Variants in MFAP1 observed in about 807,000 individuals in gnomAD.
The protein encoded by MFAP1 is microfibrillar-associated protein 1.
Under a neutral mutation model 62.2 loss-of-function variants are expected in MFAP1, and 18 were observed. The observed-to-expected ratio is 0.29, with a 90% CI of 0.20 to 0.43. The LOEUF is 0.43. Among genes scored for constraint, MFAP1 ranks in the 20% least tolerant of loss-of-function variants. The pLI, the probability that MFAP1 is intolerant of heterozygous loss-of-function variation, is 1.00. For synonymous variants in MFAP1, 175 were observed against 180.4 expected, an observed-to-expected ratio of 0.97 and a Z score of 0.24; for missense variants, 355 against 559.7, an observed-to-expected ratio of 0.63 and a Z score of 3.69.
At chr15:43,818,408 T>G (rs189665054) in intron 1 of MFAP1, among the ~76,000 whole-genome samples, 51 of 151,056 alleles carry the variant, frequency 3.4e-4, no homozygotes, top group Admixed American at 2.1e-3. Context: ...ATTGGACAGT[T>G]CAAAGGAAAA....
chr15:43,813,760 T>C (rs1457629904), intron 4 of MFAP1, among the ~76,000 whole-genome samples: 3 of 151,624 alleles, frequency 2.0e-5, no homozygotes, highest in Non-Finnish European at 2.9e-5. Flanking sequence ...TCCACCTACC[T>C]CAGCCTCCCA....
At chr15:43,818,241 G>C (rs184721400) in intron 1 of MFAP1, among the ~76,000 whole-genome samples, 215 of 151,794 alleles carry the variant, frequency 1.4e-3, no homozygotes, top group Non-Finnish European at 2.5e-3. Flanking sequence ...TGATGGTCTC[G>C]ATCTCCTGAC....
chr15:43,822,907 C>T (rs1308884390), intron 1 of MFAP1, among the ~76,000 whole-genome samples: 1 of 151,680 alleles, frequency 6.6e-6, no homozygotes, highest in Admixed American at 6.6e-5. Flanking sequence ...GGTGCGATCT[C>T]GGCTCACTGC....
Position 43,804,950 on chromosome 15 carries a change from G to T in MFAP1, c.*144C>A, listed in dbSNP as rs552138162. On this transcript the variant is annotated 3_prime_UTR_variant, in exon 9 of 9. Coordinates refer to ENST00000267812, the MANE Select transcript of MFAP1 (RefSeq NM_005926.3). Reference sequence around the variant, plus strand: ...CCAAACCTCACAAAGCACCTTCAAAGTCTGGGCTACCCAGTATCACAAGTA... The same window carrying T: ...CCAAACCTCACAAAGCACCTTCAAATTCTGGGCTACCCAGTATCACAAGTA... 4.6e-5 allele frequency: 41 copies of T among 894,364 alleles called. No homozygotes were observed. In the African/African-American group the frequency reaches 6.7e-4, roughly 15 times the overall value. The allele number at this position is 894,364 out of a possible 1,614,324, so 55.4% of individuals were successfully genotyped here.
At position 43,818,831 on chromosome 15, in the gene MFAP1, C is replaced by G. The variant is rs542369164; in HGVS notation, c.80-1383G>C. ...GGAGCCCAGGAGGTTGAGGCTGCGG[C>G]AAGCCATGACCACACCAAGGCACTC... On this transcript the variant is annotated intron_variant, in intron 1 of 8. Coordinates refer to ENST00000267812, the MANE Select transcript of MFAP1 (RefSeq NM_005926.3). 1.6e-4 allele frequency among the ~76,000 whole-genome samples: 25 copies of G among 152,238 alleles called. 2 individuals carry two copies. In the South Asian group the frequency reaches 5.2e-3, roughly 32 times the overall value.
chr15:43,805,635 C>T lies in MFAP1; in HGVS notation c.1048-170G>A, dbSNP rs117673795. Reference sequence around the variant, plus strand: ...GACATTCTTTTTTTTTTTTCTGAGACGGACTCTCGCTCTGTTGCCCAGGCT... The same window carrying T: ...GACATTCTTTTTTTTTTTTCTGAGATGGACTCTCGCTCTGTTGCCCAGGCT... On this transcript the variant is annotated intron_variant, in intron 7 of 8. Coordinates refer to ENST00000267812, the MANE Select transcript of MFAP1 (RefSeq NM_005926.3). Among the ~76,000 whole-genome samples, 1,002 of 150,928 alleles carry T rather than the reference C, an allele frequency of 6.6e-3. 17 individuals are homozygous for T. Among genetic ancestry groups the T allele is most frequent in the East Asian group, 0.041 (208 of 5,126 alleles).
chr15:43,823,585 C>G (rs2087480533), intron 1 of MFAP1, among the ~76,000 whole-genome samples: 1 of 151,916 alleles, frequency 6.6e-6, no homozygotes, highest in Non-Finnish European at 1.5e-5. Context: ...GCCATGATCG[C>G]CAGGCTGTCT....
At position 43,809,401 on chromosome 15, in the gene MFAP1, G is replaced by A. The variant is rs116840564; in HGVS notation, c.1047+354C>T. 4.4e-3 allele frequency among the ~76,000 whole-genome samples: 660 copies of A among 151,402 alleles called. 8 individuals are homozygous for A. The highest frequency in any genetic ancestry group is 0.015 in the African/African-American group (637 of 41,254). ...TGTAGTCCCAGCTACTCTGGAGGCT[G>A]AAGCAGGTGTAAAGCGCAGGACGTC... On this transcript the variant is annotated intron_variant, in intron 7 of 8. Transcript: ENST00000267812.
chr15:43,823,719 T>C (rs1033580984), intron 1 of MFAP1, among the ~76,000 whole-genome samples: 2 of 152,120 alleles, frequency 1.3e-5, no homozygotes, highest in African/African-American at 4.8e-5. Flanking sequence ...TGCCTCTCAG[T>C]AGGGAATAAA....
intron 1 of MFAP1, among the ~76,000 whole-genome samples, chr15:43,820,246 G>A (rs868027431): frequency 6.6e-6 from 1 of 151,958 alleles, no homozygotes; most frequent in South Asian, 2.1e-4. Flanking sequence ...TGAACCCAGG[G>A]GCGGAGCTTG....
At position 43,813,246 on chromosome 15, in the gene MFAP1, T is replaced by TAC; in HGVS notation, c.726+1_726+2dup. The TAC allele has an allele frequency of 6.2e-7, 1 of 1,614,068 alleles. No homozygotes were observed. Among genetic ancestry groups the TAC allele is most frequent in the Non-Finnish European group, 8.5e-7 (1 of 1,180,006 alleles). On this transcript the variant is annotated splice_region_variant and intron_variant, in intron 5 of 8. Coordinates refer to ENST00000267812, the MANE Select transcript of MFAP1 (RefSeq NM_005926.3). Reference sequence around the variant, plus strand: ...CTCATTCCTTGCAACCACTCCCCAGTACCTTGAGTGTGTACTTGCGCCTTT... The same window carrying TAC: ...CTCATTCCTTGCAACCACTCCCCAGTACACCTTGAGTGTGTACTTGCGCCTTT...
chr15:43,813,655 G>A (rs892362864), intron 4 of MFAP1, among the ~76,000 whole-genome samples: 2 of 151,836 alleles, frequency 1.3e-5, no homozygotes, highest in Admixed American at 1.3e-4. Flanking sequence ...GATTACAAGA[G>A]TCTGCCACCA....
At chr15:43,810,155 C>G (rs139384564) in intron 6 of MFAP1, 49 of 393,554 alleles carry the variant, frequency 1.2e-4, no homozygotes, top group African/African-American at 1.0e-3. Context: ...GACGTTCAGA[C>G]ATACTATTAC....
chr15:43,821,847 T>A (rs945069164), intron 1 of MFAP1, among the ~76,000 whole-genome samples: 1 of 152,056 alleles, frequency 6.6e-6, no homozygotes, highest in Non-Finnish European at 1.5e-5. Flanking sequence ...GTGATCTCAG[T>A]GCAGGGAAGG....
At chr15:43,813,836 A>C (rs566128897) in intron 4 of MFAP1, among the ~76,000 whole-genome samples, 3 of 152,228 alleles carry the variant, frequency 2.0e-5, no homozygotes, top group African/African-American at 7.2e-5. Flanking sequence ...AGAGGACTAA[A>C]ATCATGTTCA....
intron 1 of MFAP1, among the ~76,000 whole-genome samples, chr15:43,821,533 AAAAC>A (rs1177834938): frequency 6.6e-6 from 1 of 152,196 alleles, no homozygotes; most frequent in Non-Finnish European, 1.5e-5. Context: ...AGAGAAAAGA[AAAAC>A]AAACTTATAT....
At chr15:43,807,170 G>C (rs2087371001) in intron 7 of MFAP1, among the ~76,000 whole-genome samples, 1 of 151,702 alleles carries the variant, frequency 6.6e-6, no homozygotes, top group Non-Finnish European at 1.5e-5. Context: ...GGCCAACATG[G>C]AGAAACCCCG....
chr15:43,808,739 C>T (rs1188197841), intron 7 of MFAP1, among the ~76,000 whole-genome samples: 2 of 152,184 alleles, frequency 1.3e-5, no homozygotes, highest in African/African-American at 4.8e-5. Context: ...GCAGGGAAGC[C>T]GCCACTGAAG....
At chr15:43,818,727 A>G (rs2087449965) in intron 1 of MFAP1, among the ~76,000 whole-genome samples, 1 of 151,574 alleles carries the variant, frequency 6.6e-6, no homozygotes, top group Non-Finnish European at 1.5e-5. Flanking sequence ...CTCTACTAAA[A>G]ACAAAAAAAA....
Sources: gnomAD v4.1 joint callset for allele counts (sites outside exome capture counted in the v4.1 genomes callset) on GRCh38, gnomAD v4.1.1 for gene constraint, MANE v1.5 for transcripts, NCBI Gene and HGNC (gene_info 2026-07-23, HGNC 2026-07-21) for gene names.